Variants in GALNT18 observed in about 807,000 individuals in gnomAD.
The protein encoded by GALNT18 is GalNAc-transferase 18.
In GALNT18, 44 loss-of-function variants were observed where a neutral mutation model predicts 69.5. The observed-to-expected ratio is 0.63, with a 90% confidence interval of 0.50 to 0.81. The LOEUF (loss-of-function observed/expected upper bound fraction) is 0.81, where lower values mean the gene tolerates loss of function less well. Ranked by LOEUF, GALNT18 falls within the 40% of genes least tolerant of loss-of-function variation. The probability of loss-of-function intolerance (pLI) is 0.00; values close to 1 mark genes in which losing one functional copy is unlikely to be tolerated. For missense variants in GALNT18, 715 were observed against 810.0 expected, an observed-to-expected ratio of 0.88 and a Z score of 1.42; for synonymous variants, 364 against 318.2, an observed-to-expected ratio of 1.14 and a Z score of -1.53.
At chr11:11,559,645 C>CGATGGGATGG (rs10688208) in intron 1 of GALNT18, among the ~76,000 whole-genome samples, 2 of 149,346 alleles carry the variant, frequency 1.3e-5, no homozygotes, top group Non-Finnish European at 3.0e-5. Flanking sequence ...GGATGGGATG[C>CGATGGGATGG]GATGGGATGG....
intron 9 of GALNT18, among the ~76,000 whole-genome samples, chr11:11,323,039 G>T (rs1849863622): frequency 6.6e-6 from 1 of 152,144 alleles, no homozygotes; most frequent in African/African-American, 2.4e-5. Context: ...TTCCTCACTT[G>T]AAATACTACC....
At chr11:11,412,549 C>T (rs1854755091) in intron 3 of GALNT18, among the ~76,000 whole-genome samples, 1 of 152,226 alleles carries the variant, frequency 6.6e-6, no homozygotes, top group African/African-American at 2.4e-5. Flanking sequence ...GGTGCTCAAA[C>T]CACAGTCTTG....
intron 6 of GALNT18, among the ~76,000 whole-genome samples, chr11:11,361,960 A>G (rs1393570098): frequency 6.6e-6 from 1 of 152,218 alleles, no homozygotes; most frequent in African/African-American, 2.4e-5. Flanking sequence ...AAATTGTGTG[A>G]TATTAGTACA....
At chr11:11,567,263 C>A (rs1858677384) in intron 1 of GALNT18, among the ~76,000 whole-genome samples, 1 of 152,170 alleles carries the variant, frequency 6.6e-6, no homozygotes, top group Non-Finnish European at 1.5e-5. Context: ...TCCTAGTAAC[C>A]TAGATCCAAA....
rs75710871 is a variant in GALNT18, at chr11:11,537,584, C to G, written c.235+83775G>C. Among the ~76,000 whole-genome samples the G allele has an allele frequency of 1.7e-4, 26 of 152,196 alleles. No individual in the cohort carries two copies. In the South Asian group the frequency reaches 5.2e-3, roughly 30 times the overall value. ...GGCCCTAGTGATTAGACAGAAATAG[C>G]CCAGCCATGGAGAAAGTCATCCCTA... On this transcript the variant is annotated intron_variant, in intron 1 of 10. Coordinates refer to ENST00000227756, the MANE Select transcript of GALNT18 (RefSeq NM_198516.3).
In GALNT18 at chr11:11,405,021, C is replaced by T. The variant is rs141732623; in HGVS notation, c.596-25757G>A. On this transcript the variant is annotated intron_variant, in intron 3 of 10. Coordinates refer to ENST00000227756, the MANE Select transcript of GALNT18 (RefSeq NM_198516.3). ...TGTGTTTCTCCTTCCTATTCTCCCA[C>T]ATAACTGTATGTCAGGTGGCCAGAC... is the stretch of plus-strand genomic sequence containing the variant. 2.6e-5 allele frequency among the ~76,000 whole-genome samples: 4 copies of T among 152,330 alleles called. No homozygotes were observed. The East Asian group carries it at 5.8e-4, about 22-fold the overall frequency.
chr11:11,275,959 G>A (rs1339297512), intron 10 of GALNT18, among the ~76,000 whole-genome samples: 1 of 152,186 alleles, frequency 6.6e-6, no homozygotes, highest in Non-Finnish European at 1.5e-5. Context: ...TTTGAAGTTA[G>A]GTAGCCTGAT....
At chr11:11,531,901 A>G (rs1204155369) in intron 1 of GALNT18, among the ~76,000 whole-genome samples, 1 of 152,128 alleles carries the variant, frequency 6.6e-6, no homozygotes, top group African/African-American at 2.4e-5. Flanking sequence ...GAGGATGTGT[A>G]TGTGTTTTAT....
chr11:11,358,888 C>T lies in GALNT18; in HGVS notation c.1092+13627G>A, dbSNP rs1419196980. ...GCACAGACATGTTATCCCAAGCTCT[C>T]GGGTTATTCTGAACTCCAGCTGGCT... On this transcript the variant is annotated intron_variant, in intron 6 of 10. Coordinates refer to ENST00000227756, the MANE Select transcript of GALNT18 (RefSeq NM_198516.3). Among the ~76,000 whole-genome samples the T allele has an allele frequency of 5.2e-5, 7 of 135,626 alleles. 1 individual carries two copies. Among genetic ancestry groups the T allele is most frequent in the African/African-American group, 1.6e-4 (6 of 36,448 alleles). The allele number at this position is 135,626 out of a possible 152,430, so 89.0% of individuals were successfully genotyped here. A position where few individuals can be genotyped will look rare whatever the true frequency, so the allele number is the denominator to read the frequency against.
Position 11,494,673 on chromosome 11 carries a change from G to C in GALNT18, c.236-45737C>G, listed in dbSNP as rs115868357. On this transcript the variant is annotated intron_variant, in intron 1 of 10. Coordinates refer to ENST00000227756, the MANE Select transcript of GALNT18 (RefSeq NM_198516.3). This position sits in a 1 kb window ranked among gnomAD's most constrained non-coding sequence, Gnocchi z 5.7. ...GCCTTTTTTGCTTTTAAGTGCAGAG[G>C]ATTGGGGTGGATTTGACAGCAGTTC... Among the ~76,000 whole-genome samples the C allele has an allele frequency of 1.5e-3, 232 of 152,300 alleles. 1 individual carries two copies. Among genetic ancestry groups the C allele is most frequent in the African/African-American group, 5.4e-3 (223 of 41,566 alleles).
rs535410721 is a variant in GALNT18, at chr11:11,514,586, C to T, written c.236-65650G>A. ...CGGATTGCAGCCACAAGCCACTAGTCCTGCGACCCCTTCCTACTCTTGCCC... is the reference window on the plus strand; with the variant it reads ...CGGATTGCAGCCACAAGCCACTAGTTCTGCGACCCCTTCCTACTCTTGCCC... On this transcript the variant is annotated intron_variant, in intron 1 of 10. Transcript: ENST00000227756. Among the ~76,000 whole-genome samples, 168 of 152,342 alleles carry T rather than the reference C, an allele frequency of 1.1e-3. 2 individuals carry two copies. Among genetic ancestry groups the T allele is most frequent in the African/African-American group, 3.3e-3 (138 of 41,586 alleles).
Position 11,314,788 on chromosome 11 carries a change from G to A in GALNT18, c.1512+12298C>T, listed in dbSNP as rs1392591150. 6.6e-6 allele frequency among the ~76,000 whole-genome samples: 1 copy of A among 152,206 alleles called. No individual in the cohort carries two copies. The highest frequency in any genetic ancestry group is 1.5e-5 in the Non-Finnish European group (1 of 68,038). ...TAAGGAGTCAGTGCTGGTAGAGAAA[G>A]CAGCGCTGCTGGGTGGTAGCCCTCC... On this transcript the variant is annotated intron_variant, in intron 9 of 10. Coordinates refer to ENST00000227756, the MANE Select transcript of GALNT18 (RefSeq NM_198516.3). The surrounding 1 kb of genome is among the most constrained non-coding windows in gnomAD (Gnocchi z 5.2).
At chr11:11,351,194 G>C (rs1160937522) in intron 6 of GALNT18, among the ~76,000 whole-genome samples, 1 of 152,220 alleles carries the variant, frequency 6.6e-6, no homozygotes, top group African/African-American at 2.4e-5. Flanking sequence ...CCCAAGGGGT[G>C]AGAGAGGGAG....
At chr11:11,388,290 T>A (rs560511627) in intron 3 of GALNT18, among the ~76,000 whole-genome samples, 5 of 152,210 alleles carry the variant, frequency 3.3e-5, no homozygotes, top group Admixed American at 2.6e-4. Flanking sequence ...AGCCAGGCTC[T>A]CAAAACCCAC....
chr11:11,334,932 C>T (rs1210072716), intron 7 of GALNT18, among the ~76,000 whole-genome samples: 3 of 152,224 alleles, frequency 2.0e-5, no homozygotes, highest in African/African-American at 7.2e-5. Flanking sequence ...CTACCTTCCA[C>T]TCCGACCCTA....
At chr11:11,416,929 CT>C (rs1564937623) in intron 3 of GALNT18, among the ~76,000 whole-genome samples, 1 of 152,238 alleles carries the variant, frequency 6.6e-6, no homozygotes, top group African/African-American at 2.4e-5. Context: ...GGGCAGAGTC[CT>C]GCTGAGATGA....
chr11:11,488,374 T>TTC lies in GALNT18; in HGVS notation c.236-39440_236-39439dup, dbSNP rs546644664. ...CAGTCAGCCCAGGTGGATCGAATCCTTCTCGCATTGAATCACTGTGACTCT... is the reference window on the plus strand; with the variant it reads ...CAGTCAGCCCAGGTGGATCGAATCCTTCTCTCGCATTGAATCACTGTGACTCT... On this transcript the variant is annotated intron_variant, in intron 1 of 10. Coordinates refer to ENST00000227756, the MANE Select transcript of GALNT18 (RefSeq NM_198516.3). Among the ~76,000 whole-genome samples the TTC allele has an allele frequency of 1.8e-3, 278 of 152,202 alleles. 2 individuals carry two copies. Among genetic ancestry groups the TTC allele is most frequent in the African/African-American group, 6.3e-3 (262 of 41,534 alleles).
At chr11:11,525,098 A>T (rs1267653437) in intron 1 of GALNT18, among the ~76,000 whole-genome samples, 1 of 152,176 alleles carries the variant, frequency 6.6e-6, no homozygotes, top group Non-Finnish European at 1.5e-5. Flanking sequence ...GAGAGGTGCA[A>T]GAAAAAAAAT....
chr11:11,594,856 T>C (rs61870395), intron 1 of GALNT18, among the ~76,000 whole-genome samples: 1 of 87,594 alleles, frequency 1.1e-5, no homozygotes, highest in Non-Finnish European at 2.4e-5. Flanking sequence ...TATACATACA[T>C]ACACACACAT....
Sources: allele counts gnomAD v4.1 joint callset (sites outside exome capture counted in the v4.1 genomes callset), GRCh38; gene constraint gnomAD v4.1.1; non-coding constraint Gnocchi (gnomAD v3.1); transcripts MANE v1.5; gene names NCBI Gene and HGNC (gene_info 2026-07-23, HGNC 2026-07-21).